SPAG16: variants seen among roughly 807,000 people sequenced by gnomAD.
SPAG16 encodes sperm associated antigen 16.
Under a neutral mutation model 80.4 loss-of-function variants are expected in SPAG16, and 86 were observed. That is an observed-to-expected ratio of 1.07 (90% CI 0.90 to 1.28). SPAG16 has a LOEUF of 1.28. SPAG16 is among the 50% of genes most tolerant of loss of function. SPAG16 has a pLI of 0.00. For synonymous variants in SPAG16, 294 were observed against 265.9 expected, an observed-to-expected ratio of 1.11 and a Z score of -1.03; for missense variants, 870 against 765.3, an observed-to-expected ratio of 1.14 and a Z score of -1.61.
At chr2:213,479,952 T>G (rs1179030232) in intron 9 of SPAG16, among the ~76,000 whole-genome samples, 1 of 152,248 alleles carries the variant, frequency 6.6e-6, no homozygotes, top group Non-Finnish European at 1.5e-5. Context: ...TCTTCATATG[T>G]CCACCTAGTT....
At chr2:213,766,438 C>A (rs1469761775) in intron 10 of SPAG16, among the ~76,000 whole-genome samples, 2 of 152,154 alleles carry the variant, frequency 1.3e-5, no homozygotes, top group Non-Finnish European at 2.9e-5. Context: ...GAGCTCTATG[C>A]AGTGATCTCT....
chr2:214,126,965 A>G (rs1400501818), intron 14 of SPAG16, among the ~76,000 whole-genome samples: 1 of 151,890 alleles, frequency 6.6e-6, no homozygotes, highest in African/African-American at 2.4e-5. Flanking sequence ...TTTTTGTAGT[A>G]AGTTCTCTGT....
chr2:213,657,719 T>C (rs528748506), intron 10 of SPAG16, among the ~76,000 whole-genome samples: 1 of 152,288 alleles, frequency 6.6e-6, no homozygotes, highest in Non-Finnish European at 1.5e-5. Flanking sequence ...TGATTTTAAA[T>C]ATCCTCTTAA....
At chr2:213,593,157 T>A (rs2124932115) in intron 10 of SPAG16, among the ~76,000 whole-genome samples, 1 of 152,290 alleles carries the variant, frequency 6.6e-6, no homozygotes, top group South Asian at 2.1e-4. Flanking sequence ...GGAAGCTGCC[T>A]GAGAAGTAAG....
At chr2:213,538,245 T>G (rs898598818) in intron 10 of SPAG16, among the ~76,000 whole-genome samples, 1 of 152,176 alleles carries the variant, frequency 6.6e-6, no homozygotes, top group Admixed American at 6.5e-5. Context: ...TACATTTTTC[T>G]AATTACCAGA....
chr2:213,529,049 A>T (rs1407142236), intron 10 of SPAG16, among the ~76,000 whole-genome samples: 1 of 152,180 alleles, frequency 6.6e-6, no homozygotes, highest in African/African-American at 2.4e-5. Context: ...AGCTTCAGAT[A>T]CTCAGGCTGA....
At chr2:213,519,739 G>A (rs1402754427) in intron 10 of SPAG16, among the ~76,000 whole-genome samples, 1 of 151,600 alleles carries the variant, frequency 6.6e-6, no homozygotes, top group Non-Finnish European at 1.5e-5. Context: ...TAGTGCCTTT[G>A]TATGTAATTC....
chr2:214,190,413 G>A (rs181871275), intron 15 of SPAG16, among the ~76,000 whole-genome samples: 117 of 152,090 alleles, frequency 7.7e-4, no homozygotes, highest in Non-Finnish European at 1.1e-3. Flanking sequence ...TTTTGAAAAC[G>A]AATATATACC....
At chr2:213,894,140 G>A (rs1042465922) in intron 11 of SPAG16, among the ~76,000 whole-genome samples, 1 of 152,006 alleles carries the variant, frequency 6.6e-6, no homozygotes, top group Non-Finnish European at 1.5e-5. Context: ...CTATAAAGGA[G>A]GCCAAAAGTG....
chr2:213,505,466 T>G (rs2074930315), intron 10 of SPAG16, among the ~76,000 whole-genome samples: 1 of 152,196 alleles, frequency 6.6e-6, no homozygotes, highest in South Asian at 2.1e-4. Context: ...GTTATAATAT[T>G]GGTATTGAAA....
intron 11 of SPAG16, among the ~76,000 whole-genome samples, chr2:213,881,671 G>C (rs1220071516): frequency 6.6e-6 from 1 of 152,154 alleles, no homozygotes; most frequent in Non-Finnish European, 1.5e-5. Context: ...AAAACCATCA[G>C]ATCTCTTGTG....
chr2:213,952,562 G>C (rs2079844126), intron 12 of SPAG16, among the ~76,000 whole-genome samples: 1 of 152,016 alleles, frequency 6.6e-6, no homozygotes, highest in African/African-American at 2.4e-5. Context: ...ACATAGAAAA[G>C]AGTCTTCACT....
At chr2:213,818,940 T>A (rs964612829) in intron 10 of SPAG16, among the ~76,000 whole-genome samples, 2 of 152,194 alleles carry the variant, frequency 1.3e-5, no homozygotes, top group Non-Finnish European at 2.9e-5. Context: ...GTGAGTCAAT[T>A]AAACCTCTTC....
At chr2:213,911,680 G>C (rs1360674532) in intron 11 of SPAG16, among the ~76,000 whole-genome samples, 1 of 151,822 alleles carries the variant, frequency 6.6e-6, no homozygotes, top group African/African-American at 2.4e-5. Flanking sequence ...ACAAACAAAA[G>C]GTATGATATA....
chr2:213,741,138 C>A (rs1380075819), intron 10 of SPAG16, among the ~76,000 whole-genome samples: 1 of 151,894 alleles, frequency 6.6e-6, no homozygotes, highest in African/African-American at 2.4e-5. Flanking sequence ...TCTTATTAAT[C>A]TTTATTAAAG....
chr2:213,727,725 T>G (rs7585736), intron 10 of SPAG16, among the ~76,000 whole-genome samples: 98,218 of 152,166 alleles, frequency 0.65, 34,218 homozygotes, highest in Non-Finnish European at 0.8. Flanking sequence ...AAGGGATACC[T>G]CTAAGGATGC....
At chr2:213,865,808 A>G (rs2075659676) in intron 11 of SPAG16, among the ~76,000 whole-genome samples, 1 of 148,076 alleles carries the variant, frequency 6.8e-6, no homozygotes, top group Admixed American at 6.8e-5. Context: ...AATAATGAGG[A>G]GGTACAATAC....
At chr2:213,608,345 C>T (rs937810977) in intron 10 of SPAG16, among the ~76,000 whole-genome samples, 1 of 152,058 alleles carries the variant, frequency 6.6e-6, no homozygotes, top group Non-Finnish European at 1.5e-5. Context: ...CCACAACAGT[C>T]CCCGGTGTGT....
intron 7 of SPAG16, among the ~76,000 whole-genome samples, chr2:213,353,421 T>C (rs75245855): frequency 2.6e-5 from 4 of 152,240 alleles, no homozygotes; most frequent in African/African-American, 9.6e-5. Context: ...TACACAGATA[T>C]ACCTTTTTCA....
Sources: allele counts gnomAD v4.1 joint callset (sites outside exome capture counted in the v4.1 genomes callset), GRCh38; gene constraint gnomAD v4.1.1; transcripts MANE v1.5; gene names NCBI Gene and HGNC (gene_info 2026-07-23, HGNC 2026-07-21).